Variants in LRRC4B observed in about 807,000 individuals in gnomAD.
LRRC4B encodes the protein leucine-rich repeat-containing protein 4B.
In LRRC4B, 1 loss-of-function variant was observed where a neutral mutation model predicts 7.3. The observed-to-expected ratio is 0.14, with a 90% CI of 0.05 to 0.65. The LOEUF (loss-of-function observed/expected upper bound fraction) is 0.65. Among genes scored for constraint, LRRC4B ranks in the 30% least tolerant of loss-of-function variants. LRRC4B has a pLI of 0.84. For missense variants in LRRC4B, 730 were observed against 1,041.6 expected (o/e 0.70, Z 4.12); for synonymous variants, 500 against 499.2 (o/e 1.00, Z -0.02).
chr19:50,548,858 C>T lies in LRRC4B; in HGVS notation c.-20G>A, dbSNP rs1166255566. The T allele has an allele frequency of 1.3e-5, 11 of 829,882 alleles. No individual in the cohort carries two copies. Among genetic ancestry groups the T allele is most frequent in the East Asian group, 1.1e-4 (2 of 17,486 alleles). The allele number at this position is 829,882 out of a possible 1,614,324, so 51.4% of individuals were successfully genotyped here. A position where few individuals can be genotyped will look rare whatever the true frequency, so the allele number is the denominator to read the frequency against. ...CGCCATCCTCAATGTTCATGCTCCG[C>T]GTGGACGCTGGGGGGCTGTGGGTGG... On this transcript the variant is annotated 5_prime_UTR_variant, in exon 2 of 3. Coordinates refer to ENST00000652263, the MANE Select transcript of LRRC4B (RefSeq NM_001080457.2). This position sits in a 1 kb window ranked among gnomAD's most constrained non-coding sequence, Gnocchi z 6.8.
intron 2 of LRRC4B, among the ~76,000 whole-genome samples, chr19:50,538,892 C>T (rs1277980794): frequency 3.4e-5 from 5 of 146,508 alleles, no homozygotes; most frequent in Non-Finnish European, 6.0e-5. Context: ...CACCGCACGC[C>T]GCCTTTTTTT....
intron 2 of LRRC4B, among the ~76,000 whole-genome samples, chr19:50,523,666 AAC>A (rs1980679480): frequency 6.6e-6 from 1 of 150,882 alleles, no homozygotes; most frequent in Non-Finnish European, 1.5e-5. Flanking sequence ...CCATCTTAAA[AAC>A]AAAAAAGAGG....
intron 2 of LRRC4B, among the ~76,000 whole-genome samples, chr19:50,538,950 C>T (rs375707402): frequency 2.0e-5 from 3 of 151,240 alleles, no homozygotes; most frequent in African/African-American, 2.4e-5. Context: ...TGCAGTGGCA[C>T]GATCTCGGCT....
At chr19:50,547,388 G>A (rs1981860891) in intron 2 of LRRC4B, among the ~76,000 whole-genome samples, 1 of 152,078 alleles carries the variant, frequency 6.6e-6, no homozygotes, top group Non-Finnish European at 1.5e-5. Flanking sequence ...GAGCAGCCAA[G>A]TCCTCCCACC....
intron 2 of LRRC4B, among the ~76,000 whole-genome samples, chr19:50,539,909 A>T (rs947741769): frequency 5.3e-5 from 8 of 151,954 alleles, no homozygotes; most frequent in African/African-American, 1.9e-4. Context: ...AAAAGTTATT[A>T]AATGCTCTCA....
intron 1 of LRRC4B, among the ~76,000 whole-genome samples, chr19:50,551,308 C>CT (rs1461694966): frequency 3.3e-5 from 5 of 151,164 alleles, no homozygotes; most frequent in African/African-American, 7.3e-5. Flanking sequence ...CGAGATCGTG[C>CT]TGGGGGGGGC....
At position 50,563,401 on chromosome 19, in the gene LRRC4B, G is replaced by A. The variant is rs142723061; in HGVS notation, c.-36+4543C>T. On this transcript the variant is annotated intron_variant, in intron 1 of 2. Transcript: ENST00000652263. This position sits in a 1 kb window ranked among gnomAD's most constrained non-coding sequence, Gnocchi z 4.9. ...AAACTCAGAGTTAATGAGGTTTCCCGTACCCCACCAGAGAGGACACAAAGA... is the reference window on the plus strand; with the variant it reads ...AAACTCAGAGTTAATGAGGTTTCCCATACCCCACCAGAGAGGACACAAAGA... Among the ~76,000 whole-genome samples, 27 of 152,244 alleles carry A rather than the reference G, an allele frequency of 1.8e-4. No homozygotes were observed. Among genetic ancestry groups the A allele is most frequent in the African/African-American group, 2.6e-4 (11 of 41,572 alleles).
chr19:50,564,012 CAA>C (rs899895249), intron 1 of LRRC4B, among the ~76,000 whole-genome samples: 9 of 151,960 alleles, frequency 5.9e-5, no homozygotes, highest in Admixed American at 5.2e-4. Context: ...CAAGGGAAAC[CAA>C]GGGAAGGAGA....
At chr19:50,560,948 A>G (rs925533568) in intron 1 of LRRC4B, among the ~76,000 whole-genome samples, 1 of 152,090 alleles carries the variant, frequency 6.6e-6, no homozygotes, top group Admixed American at 6.5e-5. Context: ...AAAATTAGCC[A>G]GGCGCTGTGG....
chr19:50,557,511 C>G (rs1047354596), intron 1 of LRRC4B: 2 of 152,226 alleles, frequency 1.3e-5, no homozygotes, highest in Non-Finnish European at 2.9e-5. Context: ...GCCTGGCACA[C>G]AGCAAGTGAC....
intron 1 of LRRC4B, among the ~76,000 whole-genome samples, chr19:50,560,144 A>G (rs1982418856): frequency 6.6e-6 from 1 of 152,180 alleles, no homozygotes; most frequent in African/African-American, 2.4e-5. Flanking sequence ...CAAAATAACA[A>G]TAACAATAAC....
intron 1 of LRRC4B, 136 bp downstream of exon 1, chr19:50,567,808 T>C (rs867963484): frequency 2.2e-4 from 4 of 18,090 alleles, no homozygotes; most frequent in African/African-American, 8.2e-4. Flanking sequence ...CCCCGCCCCC[T>C]GTCCTCTGCC....
intron 1 of LRRC4B, among the ~76,000 whole-genome samples, chr19:50,549,461 A>C (rs1344207418): frequency 8.9e-5 from 12 of 134,864 alleles, no homozygotes; most frequent in Admixed American, 3.0e-4. Context: ...CATTTCCCCC[A>C]CCCCCTGTGC....
intron 2 of LRRC4B, among the ~76,000 whole-genome samples, chr19:50,544,502 G>A (rs948463258): frequency 2.1e-4 from 30 of 140,154 alleles, no homozygotes; most frequent in Admixed American, 7.6e-4. Flanking sequence ...GCGAGACTCC[G>A]TCTCAAAAAA....
Position 50,519,552 on chromosome 19 carries a change from A to T in LRRC4B, c.298-137T>A. ...CTGTGACGGTACGACCTATATTGCA[A>T]CATGGTTTGATGAGTTTCTTATAAA... On this transcript the variant is annotated intron_variant, in intron 2 of 2. Transcript: ENST00000652263. The surrounding 1 kb of genome is among the most constrained non-coding windows in gnomAD (Gnocchi z 8.1). 7.0e-7 allele frequency: 1 copy of T among 1,419,890 alleles called. No homozygotes were observed. Among genetic ancestry groups the T allele is most frequent in the Non-Finnish European group, 9.2e-7 (1 of 1,086,662 alleles). 88.0% of individuals were successfully genotyped at this position (1,419,890 alleles called of 1,614,324 possible). A position where few individuals can be genotyped will look rare whatever the true frequency, so the allele number is the denominator to read the frequency against.
chr19:50,564,858 C>A (rs75220774), intron 1 of LRRC4B, among the ~76,000 whole-genome samples: 2,638 of 128,932 alleles, frequency 0.02, 88 homozygotes, highest in African/African-American at 0.074. Flanking sequence ...CCGGAAGGGA[C>A]TGAGGATTCA....
At chr19:50,532,978 C>G (rs1014205) in intron 2 of LRRC4B, among the ~76,000 whole-genome samples, 95,182 of 152,012 alleles carry the variant, frequency 0.63, 30,354 homozygotes, top group African/African-American at 0.7. Context: ...TGGTGTTCTG[C>G]TTCCAACCTA....
At position 50,551,379 on chromosome 19, in the gene LRRC4B, G is replaced by T. The variant is rs549970482; in HGVS notation, c.-35-2506C>A. 1.3e-4 allele frequency among the ~76,000 whole-genome samples: 20 copies of T among 149,426 alleles called. No homozygotes were observed. In the South Asian group the frequency reaches 3.2e-3, roughly 24 times the overall value. On this transcript the variant is annotated intron_variant, in intron 1 of 2. Transcript: ENST00000652263. Reference sequence around the variant, plus strand: ...CTGGCCTGTCGCCCTTCCCACCCCTGGGGGGGGCTGTCCTTTGGCCACTGC... The same window carrying T: ...CTGGCCTGTCGCCCTTCCCACCCCTTGGGGGGGCTGTCCTTTGGCCACTGC...
intron 2 of LRRC4B, among the ~76,000 whole-genome samples, chr19:50,530,206 G>A (rs372003309): frequency 1.3e-5 from 2 of 152,094 alleles, no homozygotes; most frequent in East Asian, 1.9e-4. Context: ...CCATCTCTGG[G>A]GTCCTGCTAT....
Sources: gnomAD v4.1 joint callset for allele counts (sites outside exome capture counted in the v4.1 genomes callset) on GRCh38, gnomAD v4.1.1 for gene constraint, Gnocchi (gnomAD v3.1) non-coding constraint, MANE v1.5 for transcripts, NCBI Gene and HGNC (gene_info 2026-07-23, HGNC 2026-07-21) for gene names.